The following KAZN variants were observed in gnomAD, a reference collection of about 807,000 sequenced individuals.
The protein encoded by KAZN is kazrin, periplakin interacting protein, also known as kazrin.
Under a neutral mutation model 87.4 loss-of-function variants are expected in KAZN, and 40 were observed. That is an observed-to-expected ratio of 0.46 (90% CI 0.36 to 0.60). The LOEUF is 0.60. KAZN is among the 20% of genes least tolerant of loss of function. The pLI is 0.00. For synonymous variants in KAZN, 466 were observed against 458.3 expected (o/e 1.02, Z -0.22); for missense variants, 898 against 1,073.9 (o/e 0.84, Z 2.29).
intron 2 of KAZN, among the ~76,000 whole-genome samples, chr1:14,984,091 G>A (rs1666533110): frequency 1.3e-5 from 2 of 152,048 alleles, no homozygotes; most frequent in African/African-American, 4.8e-5. Flanking sequence ...ATGTGGCTGG[G>A]CATAGTGACT....
intron 2 of KAZN, among the ~76,000 whole-genome samples, chr1:14,419,780 C>T (rs1571599377): frequency 1.3e-5 from 2 of 152,078 alleles, no homozygotes; most frequent in Middle Eastern, 3.4e-3. Flanking sequence ...TTGTCCCTCC[C>T]ATCCGGAGTT....
chr1:14,271,775 C>T (rs1418446393), intron 2 of KAZN, among the ~76,000 whole-genome samples: 4 of 152,196 alleles, frequency 2.6e-5, no homozygotes, highest in East Asian at 1.9e-4. Context: ...GATGTTGAAT[C>T]GAGTGCCCAT....
chr1:14,870,638 G>C (rs904790504), intron 1 of KAZN, among the ~76,000 whole-genome samples: 1 of 152,142 alleles, frequency 6.6e-6, no homozygotes, highest in Non-Finnish European at 1.5e-5. Context: ...CCCAGGCCCG[G>C]TTTTCCTCAT....
intron 1 of KAZN, among the ~76,000 whole-genome samples, chr1:14,841,348 G>C (rs543526484): frequency 7.7e-5 from 11 of 143,162 alleles, no homozygotes; most frequent in South Asian, 4.5e-4. Flanking sequence ...GGAGCTTGCA[G>C]TGAGCCGAGA....
chr1:14,792,744 G>A (rs143004231), intron 1 of KAZN, among the ~76,000 whole-genome samples: 6 of 152,316 alleles, frequency 3.9e-5, no homozygotes, highest in East Asian at 3.9e-4. Flanking sequence ...TTGGGAGGCC[G>A]AGGTAGGCAG....
intron 2 of KAZN, among the ~76,000 whole-genome samples, chr1:14,207,509 T>C (rs923355953): frequency 6.6e-6 from 1 of 152,182 alleles, no homozygotes. Flanking sequence ...ACTTGCACAA[T>C]ATGATCTCAC....
intron 1 of KAZN, among the ~76,000 whole-genome samples, chr1:14,161,638 C>CCTAT (rs1194319625): frequency 1.3e-5 from 2 of 152,028 alleles, no homozygotes; most frequent in Admixed American, 6.6e-5. Context: ...ACAGGTTGGC[C>CCTAT]CTATCTAGTG....
rs1571064530 is a variant in KAZN, at chr1:14,223,907, TCAG to T, written c.249+43318_249+43320del. On this transcript the variant is annotated intron_variant, in intron 2 of 16. Coordinates refer to the KAZN transcript ENST00000636203. ...CCACATTGATGGGCAAAGGAGGTGA[TCAG>T]CAAGGGCTAGGAAGACATCCCCAAA... 3.3e-5 allele frequency among the ~76,000 whole-genome samples: 5 copies of T among 152,230 alleles called. No homozygotes were observed. The East Asian group carries it at 9.7e-4, about 29-fold the overall frequency.
intron 1 of KAZN, among the ~76,000 whole-genome samples, chr1:14,700,626 C>T (rs1390939986): frequency 6.6e-6 from 1 of 152,114 alleles, no homozygotes; most frequent in Non-Finnish European, 1.5e-5. Flanking sequence ...TGTGTCCACA[C>T]ACCCACCTTC....
chr1:14,873,055 G>A (rs1007860617), intron 1 of KAZN, among the ~76,000 whole-genome samples: 1 of 151,142 alleles, frequency 6.6e-6, no homozygotes, highest in East Asian at 2.0e-4. Flanking sequence ...TCGGTGGGTG[G>A]ATGGATGGAT....
intron 1 of KAZN, among the ~76,000 whole-genome samples, chr1:14,179,555 C>A (rs1646153480): frequency 1.3e-5 from 2 of 152,162 alleles, no homozygotes; most frequent in Admixed American, 1.3e-4. Flanking sequence ...TGACATTTTT[C>A]TTTTCATAAT....
intron 2 of KAZN, among the ~76,000 whole-genome samples, chr1:14,459,203 G>A (rs563813545): frequency 3.3e-5 from 5 of 152,184 alleles, no homozygotes; most frequent in African/African-American, 1.2e-4. Flanking sequence ...ACCCTGTTAT[G>A]TCAGACCTCC....
intron 2 of KAZN, among the ~76,000 whole-genome samples, chr1:14,405,646 G>GTTTA (rs1663789073): frequency 1.3e-5 from 2 of 149,284 alleles, no homozygotes; most frequent in African/African-American, 2.5e-5. Context: ...GTGTGTGTGT[G>GTTTA]TTTATACAGA....
chr1:14,698,978 G>A (rs938024229), intron 1 of KAZN, among the ~76,000 whole-genome samples: 11 of 151,580 alleles, frequency 7.3e-5, no homozygotes, highest in Non-Finnish European at 1.6e-4. Context: ...GGACATAAAG[G>A]CTTCCCAGGT....
chr1:14,258,282 C>G (rs1482881505), intron 2 of KAZN, among the ~76,000 whole-genome samples: 1 of 146,698 alleles, frequency 6.8e-6, no homozygotes, highest in Non-Finnish European at 1.5e-5. Context: ...GTGGTGCAAT[C>G]TTGGCTCACT....
chr1:14,876,995 A>G (rs1278271956), intron 1 of KAZN, among the ~76,000 whole-genome samples: 1 of 152,248 alleles, frequency 6.6e-6, no homozygotes, highest in Non-Finnish European at 1.5e-5. Context: ...AGCCAAATAT[A>G]TACATACATG....
chr1:14,577,347 G>C (rs1179802105), intron 2 of KAZN, among the ~76,000 whole-genome samples: 1 of 152,188 alleles, frequency 6.6e-6, no homozygotes, highest in Non-Finnish European at 1.5e-5. Flanking sequence ...GGGCTCATTG[G>C]ATTGCGGTAA....
chr1:14,527,125 G>A (rs895203688), intron 2 of KAZN, among the ~76,000 whole-genome samples: 1 of 152,146 alleles, frequency 6.6e-6, no homozygotes, highest in East Asian at 1.9e-4. Context: ...AGCTCATCTG[G>A]GTGGTCCTCA....
chr1:15,050,284 G>A (rs970761739), intron 4 of KAZN, among the ~76,000 whole-genome samples: 1 of 152,182 alleles, frequency 6.6e-6, no homozygotes, highest in African/African-American at 2.4e-5. Context: ...CAGGCACGCT[G>A]CAGAACTCGG....
Sources: gnomAD v4.1 joint callset for allele counts (sites outside exome capture counted in the v4.1 genomes callset) on GRCh38, gnomAD v4.1.1 for gene constraint, MANE v1.5 for transcripts, NCBI Gene and HGNC (gene_info 2026-07-23, HGNC 2026-07-21) for gene names.